The following PCDHGA2 variants were observed in gnomAD, a reference collection of about 807,000 sequenced individuals.
PCDHGA2 encodes the protein protocadherin gamma-A2.
A neutral mutation model predicts 59.2 loss-of-function variants in PCDHGA2; 40 were observed. The observed-to-expected ratio is 0.68, with a 90% CI of 0.52 to 0.88. PCDHGA2 has a LOEUF of 0.88. PCDHGA2 is among the 40% of genes least tolerant of loss of function. The probability of loss-of-function intolerance (pLI) is 0.00; values close to 1 mark genes in which losing one functional copy is unlikely to be tolerated. For missense variants in PCDHGA2, 1,226 were observed against 1,204.0 expected, an observed-to-expected ratio of 1.02 and a Z score of -0.27; for synonymous variants, 560 against 526.0, an observed-to-expected ratio of 1.06 and a Z score of -0.89.
rs530356030 is a variant in PCDHGA2 at position 141,426,463 on chromosome 5, GATTT to G, written c.2425-68340_2425-68337del. 309 of 318,428 alleles carry G rather than the reference GATTT, an allele frequency of 9.7e-4. 2 individuals are homozygous for G. Among genetic ancestry groups the G allele is most frequent in the Non-Finnish European group, 1.6e-3 (252 of 160,518 alleles). 19.7% of individuals were successfully genotyped at this position (318,428 alleles called of 1,614,324 possible). A position where few individuals can be genotyped will look rare whatever the true frequency, so the allele number is the denominator to read the frequency against. ...GGAGGACATGCGGCTGCATGTTCAGGATTTATTGACCTGAAACCTTAGAGTTAGT... is the reference window on the plus strand; with the variant it reads ...GGAGGACATGCGGCTGCATGTTCAGGATTGACCTGAAACCTTAGAGTTAGT... On this transcript the variant is annotated intron_variant, in intron 1 of 3. Transcript: ENST00000394576.
At chr5:141,452,908 A>G (rs747849272) in intron 1 of PCDHGA2, among the ~76,000 whole-genome samples, 5 of 152,222 alleles carry the variant, frequency 3.3e-5, no homozygotes, top group African/African-American at 4.8e-5. Flanking sequence ...AGTTGGCATT[A>G]TACAGTAAGA....
chr5:141,511,293 G>A lies in PCDHGA2; in HGVS notation c.*120G>A, dbSNP rs1028501355. On this transcript the variant is annotated 3_prime_UTR_variant, in exon 4 of 4. Coordinates refer to ENST00000394576, the MANE Select transcript of PCDHGA2 (RefSeq NM_018915.4). ...CCCCAGAATACTGGTAGGGGCCAAG[G>A]CCATGCTCCCCTTGGGAAACAGAAA... The A allele has an allele frequency of 3.3e-6, 5 of 1,509,316 alleles. No individual in the cohort carries two copies. In the African/African-American group the frequency reaches 5.6e-5, roughly 17 times the overall value. The allele number at this position is 1,509,316 out of a possible 1,614,324, so 93.5% of individuals were successfully genotyped here.
rs375711929 is a variant in PCDHGA2 at position 141,364,934 on chromosome 5, C to T, written c.2424+23539C>T. 6 of 1,613,896 alleles carry T rather than the reference C, an allele frequency of 3.7e-6. No individual in the cohort carries two copies. Among genetic ancestry groups the T allele is most frequent in the Non-Finnish European group, 5.1e-6 (6 of 1,179,876 alleles). On this transcript the variant is annotated intron_variant, in intron 1 of 3. Transcript: ENST00000394576. Reference sequence around the variant, plus strand: ...GCTGGTGTTGGAACAGCCCCTAGACCGCGAGAAAGAGACTGTTCACGACCT... The same window carrying T: ...GCTGGTGTTGGAACAGCCCCTAGACTGCGAGAAAGAGACTGTTCACGACCT...
intron 1 of PCDHGA2, chr5:141,388,461 G>C (rs1423485997): frequency 6.2e-7 from 1 of 1,613,762 alleles, no homozygotes; most frequent in Admixed American, 1.7e-5. Context: ...TAAATACCCT[G>C]AGATGGTATT....
intron 1 of PCDHGA2, chr5:141,398,380 C>G: frequency 6.9e-7 from 1 of 1,455,908 alleles, no homozygotes; most frequent in South Asian, 1.2e-5. Flanking sequence ...CGGGGAGTTG[C>G]TTGTGAGCAG....
chr5:141,415,325 C>A (rs1046074461), intron 1 of PCDHGA2: 2 of 1,614,094 alleles, frequency 1.2e-6, no homozygotes, highest in Non-Finnish European at 1.7e-6. Context: ...GTGCTGCTGG[C>A]GCACAGGCTG....
chr5:141,388,795 C>T, intron 1 of PCDHGA2: 1 of 1,613,834 alleles, frequency 6.2e-7, no homozygotes, highest in Admixed American at 1.7e-5. Context: ...GTTTTAAATA[C>T]ATTAGATTTT....
chr5:141,419,996 C>G, intron 1 of PCDHGA2: 1 of 1,614,084 alleles, frequency 6.2e-7, no homozygotes, highest in Non-Finnish European at 8.5e-7. Context: ...AGCTATTGCT[C>G]TACGCCTGCG....
intron 1 of PCDHGA2, chr5:141,395,508 A>T: frequency 2.2e-6 from 1 of 461,184 alleles, no homozygotes. Context: ...CTTAAGAAGT[A>T]GCTACCCGTC....
chr5:141,395,515 C>A, intron 1 of PCDHGA2: 1 of 407,332 alleles, frequency 2.5e-6, no homozygotes, highest in Non-Finnish European at 4.4e-6. Flanking sequence ...AGTAGCTACC[C>A]GTCCATACTG....
intron 1 of PCDHGA2, chr5:141,418,513 G>T (rs377653202): frequency 1.1e-4 from 173 of 1,613,842 alleles, no homozygotes; most frequent in Non-Finnish European, 1.2e-4. Flanking sequence ...TAGATGGTGG[G>T]GACCCTCCCC....
intron 1 of PCDHGA2, chr5:141,341,675 A>G: frequency 1.7e-6 from 1 of 601,246 alleles, no homozygotes; most frequent in South Asian, 2.5e-5. Flanking sequence ...GGTTTCTTAT[A>G]CTTTCTTCTC....
intron 1 of PCDHGA2, chr5:141,428,129 C>T (rs1449809875): frequency 1.2e-6 from 2 of 1,603,336 alleles, no homozygotes; most frequent in Non-Finnish European, 1.7e-6. Context: ...CCGGGCTTTT[C>T]AGCCTGGGGC....
intron 1 of PCDHGA2, among the ~76,000 whole-genome samples, chr5:141,492,337 C>T (rs559700346): frequency 1.0e-3 from 158 of 152,324 alleles, no homozygotes; most frequent in African/African-American, 3.7e-3. Flanking sequence ...TACGCGAATA[C>T]CAGCTTTCAC....
At chr5:141,471,263 C>T (rs2099253826) in intron 1 of PCDHGA2, 1 of 151,898 alleles carries the variant, frequency 6.6e-6, no homozygotes, top group African/African-American at 2.4e-5. Context: ...GTTGGCAAGG[C>T]TGGTCTCAAA....
At chr5:141,384,638 G>C in intron 1 of PCDHGA2, 1 of 1,614,188 alleles carries the variant, frequency 6.2e-7, no homozygotes, top group Non-Finnish European at 8.5e-7. Context: ...CTGGCACCCC[G>C]CTCCGCAGAG....
chr5:141,376,836 G>T, intron 1 of PCDHGA2: 1 of 252,676 alleles, frequency 4.0e-6, no homozygotes, highest in Admixed American at 5.1e-5. Context: ...ACAGGCGCCC[G>T]CCACCGCGCC....
At chr5:141,433,028 G>C in intron 1 of PCDHGA2, 1 of 1,614,116 alleles carries the variant, frequency 6.2e-7, no homozygotes, top group Non-Finnish European at 8.5e-7. Context: ...TTCCCACGAG[G>C]TTTCCCTCAC....
At chr5:141,384,614 C>G (rs759348931) in intron 1 of PCDHGA2, 2 of 1,614,222 alleles carry the variant, frequency 1.2e-6, no homozygotes, top group Admixed American at 3.3e-5. Context: ...ACAGATGGTT[C>G]TACTGGCATG....
Sources: gnomAD v4.1 joint callset for allele counts (sites outside exome capture counted in the v4.1 genomes callset) on GRCh38, gnomAD v4.1.1 for gene constraint, MANE v1.5 for transcripts, NCBI Gene and HGNC (gene_info 2026-07-23, HGNC 2026-07-21) for gene names.